Variants in SHISA9 observed in about 807,000 individuals in gnomAD.
SHISA9 encodes protein shisa-9.
Under a neutral mutation model 38.0 loss-of-function variants are expected in SHISA9, and 13 were observed. That is an observed-to-expected ratio of 0.34 (90% CI 0.22 to 0.54). The LOEUF is 0.54. Among genes scored for constraint, SHISA9 ranks in the 20% least tolerant of loss-of-function variants. The pLI, the probability that SHISA9 is intolerant of heterozygous loss-of-function variation, is 0.91. For missense variants in SHISA9, 538 were observed against 575.8 expected (o/e 0.93, Z 0.67); for synonymous variants, 275 against 242.0 (o/e 1.14, Z -1.27).
At chr16:13,506,603 T>G in the SHISA9 span, among the ~76,000 whole-genome samples, 1 of 152,074 alleles carries the variant, frequency 6.6e-6, no homozygotes, top group Admixed American at 6.6e-5. Flanking sequence ...TGCCTTCTGT[T>G]GAGAATGTGC....
At chr16:13,183,468 C>T (rs1178368801) in intron 2 of SHISA9, among the ~76,000 whole-genome samples, 4 of 152,370 alleles carry the variant, frequency 2.6e-5, no homozygotes, top group East Asian at 3.9e-4. Context: ...CGCTGATTTT[C>T]GTAAGGTTCC....
Position 13,202,188 on chromosome 16 carries a change from A to T in SHISA9, c.692-1206A>T, listed in dbSNP as rs2051012489. ...ACCCTCTCCAACCCCACCTCATTCC[A>T]GTTTCCTTACACTGTATTCTCTAGC... On this transcript the variant is annotated intron_variant, in intron 2 of 4. Coordinates refer to ENST00000558583, the MANE Select transcript of SHISA9 (RefSeq NM_001145204.3). 3.2e-5 allele frequency among the ~76,000 whole-genome samples: 4 copies of T among 126,866 alleles called. No individual in the cohort carries two copies. The South Asian group carries it at 9.7e-4, about 31-fold the overall frequency. 83.2% of individuals were successfully genotyped at this position (126,866 alleles called of 152,430 possible).
the SHISA9 span, among the ~76,000 whole-genome samples, chr16:13,409,948 T>C: frequency 6.6e-6 from 1 of 151,940 alleles, no homozygotes; most frequent in Non-Finnish European, 1.5e-5. Context: ...GTTGTGAGAA[T>C]GGGATGAATA....
At chr16:13,306,365 A>G in the SHISA9 span, among the ~76,000 whole-genome samples, 1 of 152,232 alleles carries the variant, frequency 6.6e-6, no homozygotes. Flanking sequence ...AAAGAGCAGT[A>G]AGCCTTTGTA....
At chr16:12,919,728 T>G (rs1596529293) in intron 2 of SHISA9, among the ~76,000 whole-genome samples, 1 of 152,324 alleles carries the variant, frequency 6.6e-6, no homozygotes, top group Non-Finnish European at 1.5e-5. Flanking sequence ...TGTGATATAT[T>G]GGACTTGCCT....
the SHISA9 span, among the ~76,000 whole-genome samples, chr16:13,256,952 C>G: frequency 1.3e-5 from 2 of 152,144 alleles, no homozygotes; most frequent in African/African-American, 2.4e-5. Context: ...GTTTGATATA[C>G]TTGCAGGGAA....
intron 2 of SHISA9, among the ~76,000 whole-genome samples, chr16:13,122,656 T>C (rs184493174): frequency 5.3e-5 from 8 of 152,214 alleles, no homozygotes; most frequent in Admixed American, 5.2e-4. Flanking sequence ...ACATTGACAT[T>C]AGCAGACTGT....
chr16:13,326,018 G>T, the SHISA9 span, among the ~76,000 whole-genome samples: 2 of 146,458 alleles, frequency 1.4e-5, no homozygotes, highest in African/African-American at 2.5e-5. Flanking sequence ...GTATACCTAT[G>T]TAACAAACCT....
the SHISA9 span, among the ~76,000 whole-genome samples, chr16:13,357,179 C>T: frequency 2.8e-3 from 423 of 151,024 alleles, 1 homozygote; most frequent in Non-Finnish European, 4.7e-3. Context: ...GGCTGGGGTG[C>T]GGAAATAAGC....
intron 2 of SHISA9, among the ~76,000 whole-genome samples, chr16:13,117,581 A>T (rs2074042578): frequency 6.6e-6 from 1 of 152,164 alleles, no homozygotes; most frequent in African/African-American, 2.4e-5. Context: ...CACGCAGAAG[A>T]GAGACATGCA....
chr16:13,557,492 C>G, the SHISA9 span, among the ~76,000 whole-genome samples: 1,355 of 152,232 alleles, frequency 8.9e-3, 24 homozygotes, highest in African/African-American at 0.031. Flanking sequence ...GGCAAAGCTG[C>G]CTCATAGCAA....
At chr16:13,203,175 T>G (rs2051022666) in intron 2 of SHISA9, 3 of 395,416 alleles carry the variant, frequency 7.6e-6, no homozygotes, top group Non-Finnish European at 4.5e-6. Flanking sequence ...GCACATCTTT[T>G]GAGATGATGT....
chr16:13,472,377 A>ATTTTT, the SHISA9 span, among the ~76,000 whole-genome samples: 388 of 55,498 alleles, frequency 7.0e-3, 61 homozygotes, highest in African/African-American at 0.011. Context: ...GCTCTGCTAA[A>ATTTTT]TTTTTTTTTT....
the SHISA9 span, among the ~76,000 whole-genome samples, chr16:13,296,252 C>A: frequency 6.6e-6 from 1 of 151,802 alleles, no homozygotes; most frequent in African/African-American, 2.4e-5. Flanking sequence ...CCCCACCCTC[C>A]ATCTTTTTGG....
the SHISA9 span, among the ~76,000 whole-genome samples, chr16:13,494,535 G>GA: frequency 3.3e-5 from 5 of 151,846 alleles, no homozygotes; most frequent in Non-Finnish European, 7.4e-5. Flanking sequence ...AAAATGCATA[G>GA]AAAGTACACA....
At position 13,221,643 on chromosome 16, in the gene SHISA9, T is replaced by C. The variant is rs115945469; in HGVS notation, c.895+8343T>C. Among the ~76,000 whole-genome samples the C allele has an allele frequency of 4.4e-3, 675 of 152,272 alleles. 6 individuals are homozygous for C. Among genetic ancestry groups the C allele is most frequent in the African/African-American group, 0.015 (636 of 41,562 alleles). On this transcript the variant is annotated intron_variant, in intron 4 of 4. Coordinates refer to ENST00000558583, the MANE Select transcript of SHISA9 (RefSeq NM_001145204.3). ...CAACTTTATTGAGATATGATTCACC[T>C]ATCATACAATTCACCCATTTAAAGT...
At chr16:13,172,882 T>TTAC (rs1017113333) in intron 2 of SHISA9, among the ~76,000 whole-genome samples, 9 of 152,032 alleles carry the variant, frequency 5.9e-5, no homozygotes, top group African/African-American at 2.2e-4. Context: ...TGTCACCTAA[T>TTAC]TACTTTTCTT....
At chr16:13,554,057 G>C in the SHISA9 span, among the ~76,000 whole-genome samples, 1 of 151,990 alleles carries the variant, frequency 6.6e-6, no homozygotes, top group African/African-American at 2.4e-5. Context: ...CTCTATTTTG[G>C]GGGGAAAGTA....
intron 2 of SHISA9, among the ~76,000 whole-genome samples, chr16:12,965,727 C>T (rs191204969): frequency 8.5e-5 from 13 of 152,272 alleles, no homozygotes; most frequent in African/African-American, 2.6e-4. Flanking sequence ...TGAGTACTGT[C>T]CTCTATAAAA....
Sources: gnomAD v4.1 joint callset for allele counts (sites outside exome capture counted in the v4.1 genomes callset) on GRCh38, gnomAD v4.1.1 for gene constraint, MANE v1.5 for transcripts, NCBI Gene and HGNC (gene_info 2026-07-23, HGNC 2026-07-21) for gene names.